The following RBFOX1 variants were observed in gnomAD, a reference collection of about 807,000 sequenced individuals.
RBFOX1 encodes RNA binding fox-1 homolog 1, also known as RNA binding protein fox-1 homolog 1.
Under a neutral mutation model 57.7 loss-of-function variants are expected in RBFOX1, and 8 were observed. That is an observed-to-expected ratio of 0.14 (90% CI 0.08 to 0.25). The LOEUF (loss-of-function observed/expected upper bound fraction) is 0.25, where lower values mean the gene tolerates loss of function less well. Ranked by LOEUF, RBFOX1 falls within the 10% of genes least tolerant of loss-of-function variation. RBFOX1 has a pLI of 1.00. For missense variants in RBFOX1, 611 were observed against 548.5 expected, an observed-to-expected ratio of 1.11 and a Z score of -1.14; for synonymous variants, 326 against 222.4, an observed-to-expected ratio of 1.47 and a Z score of -4.15.
rs181863476 is a variant in RBFOX1, at chr16:6,803,013, C to T, written c.-16+148363C>T. Among the ~76,000 whole-genome samples the T allele has an allele frequency of 2.6e-5, 4 of 152,262 alleles. No homozygotes were observed. In the East Asian group the frequency reaches 5.8e-4, roughly 22 times the overall value. ...TCTGTTCTAAAAGTCTTTTAGCTGC[C>T]TTGCTACTAGGAAAAGGGACTTACT... On this transcript the variant is annotated intron_variant, in intron 3 of 15. Coordinates refer to ENST00000550418, the MANE Select transcript of RBFOX1 (RefSeq NM_018723.4).
intron 3 of RBFOX1, among the ~76,000 whole-genome samples, chr16:6,845,890 C>T (rs1194486504): frequency 6.6e-6 from 1 of 152,208 alleles, no homozygotes; most frequent in Non-Finnish European, 1.5e-5. Flanking sequence ...TTCTTTATAT[C>T]TCACTTTAAA....
chr16:6,800,831 A>G (rs1004148551), intron 3 of RBFOX1, among the ~76,000 whole-genome samples: 2 of 152,144 alleles, frequency 1.3e-5, no homozygotes, highest in Non-Finnish European at 2.9e-5. Context: ...AATAGCATAC[A>G]AAATGGAAGG....
In RBFOX1 at chr16:7,257,168, C is replaced by G. The variant is rs577627078; in HGVS notation, c.27+205070C>G. 8.1e-4 allele frequency among the ~76,000 whole-genome samples: 124 copies of G among 152,296 alleles called. 1 individual carries two copies. In the Middle Eastern group the frequency reaches 0.014, roughly 17 times the overall value. On this transcript the variant is annotated intron_variant, in intron 4 of 15. Transcript: ENST00000550418. ...AAAACCCTTTCCGGTCCAACTGTTT[C>G]TCTATCAGAAAATCTCATTAAGACT...
At chr16:5,823,587 T>C (rs994894228) in intron 3 of RBFOX1, among the ~76,000 whole-genome samples, 5 of 152,094 alleles carry the variant, frequency 3.3e-5, no homozygotes, top group African/African-American at 1.2e-4. Flanking sequence ...TAAGTGAAGC[T>C]TCATCTTTAT....
chr16:7,170,297 G>T (rs1183882121), intron 4 of RBFOX1, among the ~76,000 whole-genome samples: 1 of 152,106 alleles, frequency 6.6e-6, no homozygotes, highest in Non-Finnish European at 1.5e-5. Flanking sequence ...TTTAGAGATG[G>T]TGTCTTGCTC....
intron 2 of RBFOX1, among the ~76,000 whole-genome samples, chr16:6,406,388 C>G (rs772780985): frequency 1.6e-4 from 25 of 152,150 alleles, no homozygotes; most frequent in Non-Finnish European, 3.1e-4. Context: ...CAATGTCACA[C>G]TCTGCCAAAA....
chr16:6,669,278 T>C (rs1016295283), intron 3 of RBFOX1, among the ~76,000 whole-genome samples: 1 of 152,194 alleles, frequency 6.6e-6, no homozygotes, highest in African/African-American at 2.4e-5. Flanking sequence ...TGCGTTTGTC[T>C]ATCACATGAA....
intron 1 of RBFOX1, among the ~76,000 whole-genome samples, chr16:6,083,774 G>A (rs1489920822): frequency 6.6e-6 from 1 of 152,024 alleles, no homozygotes; most frequent in African/African-American, 2.4e-5. Flanking sequence ...ACCAGACCTG[G>A]CCCCCCTTCT....
At chr16:7,396,932 C>T (rs965570672) in intron 4 of RBFOX1, among the ~76,000 whole-genome samples, 3 of 151,874 alleles carry the variant, frequency 2.0e-5, no homozygotes, top group Non-Finnish European at 4.4e-5. Flanking sequence ...TAGGGTGAGA[C>T]TGTCAAAAAG....
At chr16:6,545,127 G>C (rs1032636932) in intron 2 of RBFOX1, among the ~76,000 whole-genome samples, 2 of 152,034 alleles carry the variant, frequency 1.3e-5, no homozygotes, top group Admixed American at 6.6e-5. Context: ...AAAAATCCGC[G>C]TACTTTTTCC....
intron 2 of RBFOX1, among the ~76,000 whole-genome samples, chr16:6,448,645 G>A (rs986413555): frequency 3.9e-5 from 6 of 152,054 alleles, no homozygotes; most frequent in African/African-American, 7.2e-5. Context: ...TCACCTGGAG[G>A]ACAAAATCAC....
rs192843963 is a variant in RBFOX1 at position 7,149,568 on chromosome 16, C to G, written c.27+97470C>G. ...TGGTGCAATCTCAGCTCAGTGCAACCTCCTCCTCCCAGGCTCAAAAGATCC... is the reference window on the plus strand; with the variant it reads ...TGGTGCAATCTCAGCTCAGTGCAACGTCCTCCTCCCAGGCTCAAAAGATCC... On this transcript the variant is annotated intron_variant, in intron 4 of 15. Transcript: ENST00000550418. Among the ~76,000 whole-genome samples, 3 of 150,462 alleles carry G rather than the reference C, an allele frequency of 2.0e-5. No homozygotes were observed. The East Asian group carries it at 5.9e-4, about 29-fold the overall frequency.
chr16:7,642,836 AG>A (rs1665714574), intron 11 of RBFOX1, among the ~76,000 whole-genome samples: 1 of 152,208 alleles, frequency 6.6e-6, no homozygotes, highest in African/African-American at 2.4e-5. Context: ...AAGGACAGAA[AG>A]CACCTTTGCA....
intron 3 of RBFOX1, among the ~76,000 whole-genome samples, chr16:5,775,315 C>T (rs964467339): frequency 6.6e-6 from 1 of 152,164 alleles, no homozygotes; most frequent in African/African-American, 2.4e-5. Flanking sequence ...TCCCTCTTCC[C>T]TCTTCCCTTC....
chr16:6,060,760 A>G (rs1166599446), intron 1 of RBFOX1, among the ~76,000 whole-genome samples: 1 of 152,218 alleles, frequency 6.6e-6, no homozygotes, highest in Non-Finnish European at 1.5e-5. Flanking sequence ...ATAGAACCCA[A>G]GAGGAGGAAG....
intron 2 of RBFOX1, among the ~76,000 whole-genome samples, chr16:6,576,207 G>T (rs752886641): frequency 6.6e-6 from 1 of 152,090 alleles, no homozygotes; most frequent in Non-Finnish European, 1.5e-5. Flanking sequence ...AGGCTTTCGA[G>T]TGGGTGGAGC....
intron 4 of RBFOX1, among the ~76,000 whole-genome samples, chr16:6,004,906 G>C (rs1211980675): frequency 1.3e-5 from 2 of 152,208 alleles, no homozygotes; most frequent in Non-Finnish European, 2.9e-5. Context: ...CAAGCGTGCA[G>C]TGTGTTAGAT....
At chr16:7,050,241 CTT>C (rs59142009) in intron 3 of RBFOX1, among the ~76,000 whole-genome samples, 1 of 141,756 alleles carries the variant, frequency 7.1e-6, no homozygotes. Context: ...TCTTTAGCTT[CTT>C]TTTTTTTCCT....
At chr16:6,716,870 C>T (rs1039740700) in intron 3 of RBFOX1, among the ~76,000 whole-genome samples, 1 of 152,102 alleles carries the variant, frequency 6.6e-6, no homozygotes, top group Non-Finnish European at 1.5e-5. Flanking sequence ...TTGTATCCTT[C>T]CAAAATCCAT....
Sources: gnomAD v4.1 joint callset for allele counts (sites outside exome capture counted in the v4.1 genomes callset) on GRCh38, gnomAD v4.1.1 for gene constraint, MANE v1.5 for transcripts, NCBI Gene and HGNC (gene_info 2026-07-23, HGNC 2026-07-21) for gene names.